The following RERE variants were observed in gnomAD, a reference collection of about 807,000 sequenced individuals.
RERE encodes arginine-glutamic acid dipeptide repeats protein.
Under a neutral mutation model 146.1 loss-of-function variants are expected in RERE, and 40 were observed. That is an observed-to-expected ratio of 0.27 (90% CI 0.21 to 0.36). The LOEUF (loss-of-function observed/expected upper bound fraction) is 0.36, where lower values mean the gene tolerates loss of function less well. Among genes scored for constraint, RERE ranks in the 10% least tolerant of loss-of-function variants. The pLI, the probability that RERE is intolerant of heterozygous loss-of-function variation, is 1.00. For synonymous variants in RERE, 1,003 were observed against 866.0 expected, an observed-to-expected ratio of 1.16 and a Z score of -2.78; for missense variants, 1,933 against 2,138.7, an observed-to-expected ratio of 0.90 and a Z score of 1.90.
At chr1:8,675,814 T>C (rs934617162) in intron 1 of RERE, among the ~76,000 whole-genome samples, 6 of 152,108 alleles carry the variant, frequency 3.9e-5, no homozygotes, top group African/African-American at 1.4e-4. Context: ...TTTGAAATGC[T>C]TGGGACCAGA....
At chr1:8,503,554 G>A (rs1017532316) in intron 8 of RERE, among the ~76,000 whole-genome samples, 1 of 152,146 alleles carries the variant, frequency 6.6e-6, no homozygotes, top group Admixed American at 6.5e-5. Flanking sequence ...TTATAGAAGG[G>A]AATGAGAAGG....
At chr1:8,702,071 G>GAA (rs201314180) in intron 1 of RERE, among the ~76,000 whole-genome samples, 3,675 of 128,920 alleles carry the variant, frequency 0.029, 130 homozygotes, top group African/African-American at 0.096. Context: ...CCAGAAAGAG[G>GAA]AAAAAAAAAA....
Position 8,495,156 on chromosome 1 carries a change from C to A in RERE, c.1011G>T (p.Met337Ile). ...LLMYLRAARS[M>I]AAFAGMCDGG... ...CATCACACATTCCTGCAAATGCCGCCATGCTCCTTCAGAAGAAAAGGTTTT... is the reference window on the plus strand; with the variant it reads ...CATCACACATTCCTGCAAATGCCGCAATGCTCCTTCAGAAGAAAAGGTTTT... Residue 337 changes from methionine to isoleucine, a missense_variant, in exon 10 of 23, where the codon ATG (methionine) becomes ATT (isoleucine). Met to Ile is a conservative substitution (Grantham distance 10). This residue lies in a region of RERE where 260 missense variants were observed against 378.4 expected (regional missense o/e 0.69). Coordinates refer to ENST00000400908, the MANE Select transcript of RERE (RefSeq NM_001042681.2). 1 of 1,612,882 alleles carries A rather than the reference C, an allele frequency of 6.2e-7. No homozygotes were observed. Among genetic ancestry groups the A allele is most frequent in the South Asian group, 1.1e-5 (1 of 91,046 alleles).
chr1:8,568,463 G>C (rs570840063), intron 4 of RERE, among the ~76,000 whole-genome samples: 2 of 152,312 alleles, frequency 1.3e-5, no homozygotes, highest in African/African-American at 2.4e-5. Context: ...TAACAAGTGA[G>C]GCCTTTAAGA....
chr1:8,468,362 A>G (rs1644631909), intron 10 of RERE, among the ~76,000 whole-genome samples: 1 of 152,216 alleles, frequency 6.6e-6, no homozygotes, highest in South Asian at 2.1e-4. Context: ...TATCCAGAAC[A>G]AGCAGACATT....
intron 11 of RERE, among the ~76,000 whole-genome samples, chr1:8,432,900 CTG>C (rs1006366272): frequency 4.6e-5 from 7 of 152,114 alleles, no homozygotes; most frequent in African/African-American, 1.7e-4. Context: ...GCAGAAAACA[CTG>C]TTTTATATCT....
At chr1:8,628,437 T>A (rs1646999561) in intron 2 of RERE, among the ~76,000 whole-genome samples, 1 of 152,178 alleles carries the variant, frequency 6.6e-6, no homozygotes, top group African/African-American at 2.4e-5. Context: ...TTTGTCTAAT[T>A]CATTTTTAAA....
At chr1:8,755,573 G>A (rs779007286) in intron 1 of RERE, among the ~76,000 whole-genome samples, 3 of 152,164 alleles carry the variant, frequency 2.0e-5, no homozygotes, top group Non-Finnish European at 2.9e-5. Flanking sequence ...CACCTCTGGG[G>A]AGGTTGAAAG....
chr1:8,790,881 C>T (rs896421188), intron 1 of RERE, among the ~76,000 whole-genome samples: 2 of 152,178 alleles, frequency 1.3e-5, no homozygotes, highest in African/African-American at 2.4e-5. Flanking sequence ...CCACCGCACC[C>T]GGCCCAGGCT....
intron 7 of RERE, among the ~76,000 whole-genome samples, chr1:8,513,717 T>C (rs1285023325): frequency 6.6e-6 from 1 of 152,136 alleles, no homozygotes; most frequent in Non-Finnish European, 1.5e-5. Context: ...GAGGCAGAGG[T>C]TGCAGTGAGC....
intron 4 of RERE, among the ~76,000 whole-genome samples, chr1:8,603,181 C>T (rs1646655144): frequency 6.6e-6 from 1 of 152,228 alleles, no homozygotes; most frequent in Non-Finnish European, 1.5e-5. Context: ...TAATAGAGTT[C>T]AGAGGCACAA....
chr1:8,366,924 A>AC (rs1557592069), intron 12 of RERE, among the ~76,000 whole-genome samples: 76 of 149,638 alleles, frequency 5.1e-4, no homozygotes, highest in African/African-American at 1.7e-3. Context: ...AACAAAAAAA[A>AC]AAAACAAAAA....
intron 10 of RERE, among the ~76,000 whole-genome samples, chr1:8,472,419 C>T (rs533102657): frequency 1.3e-5 from 2 of 152,276 alleles, no homozygotes; most frequent in East Asian, 3.9e-4. Flanking sequence ...GGTAAAATGT[C>T]CTTTAATGTG....
chr1:8,669,509 G>A (rs1638665568), intron 1 of RERE, among the ~76,000 whole-genome samples: 1 of 152,136 alleles, frequency 6.6e-6, no homozygotes, highest in African/African-American at 2.4e-5. Flanking sequence ...AAACTAACAA[G>A]AAAAAGCTCA....
At position 8,358,577 on chromosome 1, in the gene RERE, G is replaced by A. The variant is rs776859529; in HGVS notation, c.3958C>T (p.Arg1320Trp). 15 of 1,605,776 alleles carry A rather than the reference G, an allele frequency of 9.3e-6. No homozygotes were observed. The highest frequency in any genetic ancestry group is 1.1e-5 in the South Asian group (1 of 89,588). The change falls in exon 20 of 23, where the codon CGG (arginine) becomes TGG (tryptophan). Residue 1320 changes from arginine to tryptophan, a missense_variant. Physicochemically the swap from Arg to Trp is moderately radical, Grantham distance 101 (BLOSUM62 -3). Around this residue, in one of 11 missense-constraint regions of RERE, gnomAD observed 1,255 missense variants for 1,153.8 expected, o/e 1.09. Transcript: ENST00000400908. ...REREIREREL[R>W]ERMKPGFEVK... The stretch of plus-strand genomic sequence containing the variant: ...TCGAAGCCCGGCTTCATCCTCTCCC[G>A]CAGCTCCCGCTCTCGGATCTCCCGC...
chr1:8,601,626 C>CCACACACACACACACACACA lies in RERE; in HGVS notation c.522+12915_522+12934dup, dbSNP rs3082094. On this transcript the variant is annotated intron_variant, in intron 4 of 22. Coordinates refer to ENST00000400908, the MANE Select transcript of RERE (RefSeq NM_001042681.2). ...CCAACTGCCTTCATGTCCAAGGTCA[C>CCACACACACACACACACACA]CACACACACACACACACACACACAC... 4.0e-4 allele frequency among the ~76,000 whole-genome samples: 38 copies of CCACACACACACACACACACA among 94,914 alleles called. 3 individuals are homozygous for CCACACACACACACACACACA. Among genetic ancestry groups the CCACACACACACACACACACA allele is most frequent in the African/African-American group, 1.4e-3 (32 of 22,842 alleles). 62.3% of individuals were successfully genotyped at this position (94,914 alleles called of 152,430 possible). A position where few individuals can be genotyped will look rare whatever the true frequency, so the allele number is the denominator to read the frequency against.
At chr1:8,685,772 G>A (rs1346779349) in intron 1 of RERE, among the ~76,000 whole-genome samples, 2 of 152,272 alleles carry the variant, frequency 1.3e-5, no homozygotes, top group East Asian at 3.9e-4. Context: ...AAAGAAGCTG[G>A]TGCATAAAAC....
intron 11 of RERE, chr1:8,430,141 C>G (rs1175919858): frequency 1.3e-5 from 2 of 152,224 alleles, no homozygotes; most frequent in African/African-American, 4.8e-5. Flanking sequence ...CACCCCATAT[C>G]TAAAACATAT....
chr1:8,688,552 C>T (rs1473001537), intron 1 of RERE, among the ~76,000 whole-genome samples: 2 of 150,766 alleles, frequency 1.3e-5, no homozygotes, highest in African/African-American at 4.9e-5. Context: ...AAGAGTAAGA[C>T]TCCATCTCAA....
Sources: gnomAD v4.1 joint callset for allele counts (sites outside exome capture counted in the v4.1 genomes callset) on GRCh38, gnomAD v4.1.1 for gene constraint, gnomAD v4.1.1 regional missense constraint, MANE v1.5 for transcripts, NCBI Gene and HGNC (gene_info 2026-07-23, HGNC 2026-07-21) for gene names.